The following DMD variants were observed in gnomAD, a reference collection of about 807,000 sequenced individuals.
The protein encoded by DMD is dystrophin.
In DMD, 63 loss-of-function variants were observed where a neutral mutation model predicts 330.1. The observed-to-expected ratio is 0.19, with a 90% CI of 0.16 to 0.24. The LOEUF (loss-of-function observed/expected upper bound fraction) is 0.24, where lower values mean the gene tolerates loss of function less well. Ranked by LOEUF, DMD falls within the 10% of genes least tolerant of loss-of-function variation. The probability of loss-of-function intolerance (pLI) is 1.00; values close to 1 mark genes in which losing one functional copy is unlikely to be tolerated. For synonymous variants in DMD, 1,223 were observed against 959.8 expected (o/e 1.27, Z -5.07); for missense variants, 3,344 against 2,684.1 (o/e 1.25, Z -5.43).
At position 31,247,126 on chromosome X, in the gene DMD, G is replaced by A. The variant is rs780412861; in HGVS notation, c.9286+13829C>T. ...TGACAATGCACCTTGTCACCCAAAAGCTTGGATGGAGATGTACAAAGAGAT... is the reference window on the plus strand; with the variant it reads ...TGACAATGCACCTTGTCACCCAAAAACTTGGATGGAGATGTACAAAGAGAT... On this transcript the variant is annotated intron_variant, in intron 63 of 78. Transcript: ENST00000357033. Among the ~76,000 whole-genome samples, 256 of 111,699 alleles carry A rather than the reference G, an allele frequency of 2.3e-3. 1 individual carries two copies. The highest frequency in any genetic ancestry group is 7.7e-3 in the African/African-American group (236 of 30,711).
intron 2 of DMD, among the ~76,000 whole-genome samples, chrX:32,876,643 T>G (rs933977173): frequency 2.1e-4 from 24 of 112,387 alleles, no homozygotes; most frequent in African/African-American, 7.4e-4. Flanking sequence ...TTGAAGTTGT[T>G]GTAGGTTTCC....
At chrX:33,132,319 C>A (rs2095504268) in intron 1 of DMD, among the ~76,000 whole-genome samples, 1 of 111,653 alleles carries the variant, frequency 9.0e-6, no homozygotes, top group Non-Finnish European at 1.9e-5. Context: ...TCCAACTATT[C>A]CTTTAAATGA....
chrX:33,009,945 CGT>C (rs1557207560), intron 2 of DMD, among the ~76,000 whole-genome samples: 1 of 47,997 alleles, frequency 2.1e-5, no homozygotes, highest in Non-Finnish European at 3.3e-5. Flanking sequence ...TGTATATACA[CGT>C]GTGTATGTGT....
At chrX:31,344,831 A>AT (rs1171198912) in intron 61 of DMD, among the ~76,000 whole-genome samples, 7 of 110,449 alleles carry the variant, frequency 6.3e-5, no homozygotes, top group Admixed American at 1.9e-4. Context: ...AAACAAAAAA[A>AT]TAAAAAAATA....
intron 2 of DMD, among the ~76,000 whole-genome samples, chrX:32,909,584 C>G (rs773365209): frequency 9.0e-6 from 1 of 111,569 alleles, no homozygotes; most frequent in East Asian, 2.8e-4. Context: ...GTCTGTTACT[C>G]AGTTTTCTTG....
chrX:32,480,265 G>A (rs2041709947), intron 21 of DMD, among the ~76,000 whole-genome samples: 1 of 111,852 alleles, frequency 8.9e-6, no homozygotes, highest in South Asian at 3.6e-4. Flanking sequence ...AAAGATAAAT[G>A]TTGGAGAGGC....
intron 50 of DMD, among the ~76,000 whole-genome samples, chrX:31,797,310 A>T (rs2091876316): frequency 9.0e-6 from 1 of 110,875 alleles, no homozygotes; most frequent in Non-Finnish European, 1.9e-5. Context: ...GACCACAGAG[A>T]TCACTGAAAA....
At chrX:33,223,112 C>A (rs1311526844) in intron 1 of DMD, among the ~76,000 whole-genome samples, 1 of 111,466 alleles carries the variant, frequency 9.0e-6, no homozygotes, top group South Asian at 3.8e-4. Flanking sequence ...GAGTATGAGA[C>A]CAGCCTGGCC....
chrX:33,244,178 G>A lies in DMD; in HGVS notation c.7+95081C>T, dbSNP rs2052632035. On this transcript the variant is annotated intron_variant, in intron 1 of 17. Coordinates refer to the DMD transcript ENST00000288447. ...CAGTGAGTATCCTCGTCTTGTGCCA[G>A]ATCTTAGAGGAAAAGCTTTCAACTT... is the stretch of plus-strand genomic sequence containing the variant. Among the ~76,000 whole-genome samples, 5 of 111,062 alleles carry A rather than the reference G, an allele frequency of 4.5e-5. No individual in the cohort carries two copies. The Admixed American group carries it at 4.8e-4, about 11-fold the overall frequency.
intron 1 of DMD, among the ~76,000 whole-genome samples, chrX:33,230,968 A>T (rs868311548): frequency 7.4e-5 from 8 of 108,113 alleles, no homozygotes; most frequent in African/African-American, 2.9e-4. Flanking sequence ...AAAAAAAAAA[A>T]AAAATAAATA....
intron 63 of DMD, among the ~76,000 whole-genome samples, chrX:31,260,596 G>A (rs1028454066): frequency 2.7e-5 from 3 of 110,776 alleles, no homozygotes; most frequent in Non-Finnish European, 5.7e-5. Context: ...GGTTTCACAC[G>A]GAAGAAATCA....
intron 1 of DMD, among the ~76,000 whole-genome samples, chrX:33,070,153 A>T (rs1364043788): frequency 8.9e-6 from 1 of 111,973 alleles, no homozygotes; most frequent in East Asian, 2.8e-4. Flanking sequence ...ATATGTTAAA[A>T]TCTCATCTAA....
chrX:32,673,008 G>T (rs1422025761), intron 9 of DMD, among the ~76,000 whole-genome samples: 1 of 111,324 alleles, frequency 9.0e-6, no homozygotes, highest in Non-Finnish European at 1.9e-5. Context: ...ACATGTTACT[G>T]CTCCAATGTG....
intron 15 of DMD, among the ~76,000 whole-genome samples, chrX:32,566,414 G>C (rs1390172138): frequency 8.9e-6 from 1 of 111,859 alleles, no homozygotes; most frequent in African/African-American, 3.2e-5. Flanking sequence ...TTTAACATTC[G>C]GTTCATTATT....
intron 25 of DMD, among the ~76,000 whole-genome samples, chrX:32,456,355 T>C (rs1404307218): frequency 9.0e-6 from 1 of 111,292 alleles, no homozygotes; most frequent in South Asian, 3.7e-4. Context: ...AGAAAAGGTA[T>C]AAATGTTATT....
intron 1 of DMD, among the ~76,000 whole-genome samples, chrX:33,304,027 A>G (rs1007875704): frequency 9.0e-6 from 1 of 111,454 alleles, no homozygotes; most frequent in African/African-American, 3.3e-5. Context: ...ATAAATATGA[A>G]TTAATTCCTT....
chrX:32,323,495 T>C (rs1386282818), intron 41 of DMD, among the ~76,000 whole-genome samples: 8 of 110,333 alleles, frequency 7.3e-5, no homozygotes, highest in Non-Finnish European at 1.5e-4. Context: ...GTGAAAACAA[T>C]AGTAGCCAGG....
chrX:31,569,559 T>TTATA (rs1345498623), intron 55 of DMD, among the ~76,000 whole-genome samples: 3 of 95,435 alleles, frequency 3.1e-5, no homozygotes, highest in African/African-American at 1.1e-4. Context: ...AGAGTGTTTT[T>TTATA]TATATATATA....
At chrX:32,690,764 G>T (rs1274266477) in intron 9 of DMD, among the ~76,000 whole-genome samples, 1 of 109,538 alleles carries the variant, frequency 9.1e-6, no homozygotes, top group East Asian at 2.8e-4. Context: ...TTCAACAAAT[G>T]GTGTTGGAAA....
Sources: allele counts gnomAD v4.1 joint callset (sites outside exome capture counted in the v4.1 genomes callset), GRCh38; gene constraint gnomAD v4.1.1; transcripts MANE v1.5; gene names NCBI Gene and HGNC (gene_info 2026-07-23, HGNC 2026-07-21).